Variants in IGF1R observed in about 807,000 individuals in gnomAD.
IGF1R encodes the protein insulin-like growth factor 1 receptor.
A neutral mutation model predicts 144.6 loss-of-function variants in IGF1R; 44 were observed. The observed-to-expected ratio is 0.30, with a 90% CI of 0.24 to 0.39. IGF1R has a LOEUF of 0.39. IGF1R is among the 10% of genes least tolerant of loss of function. The pLI is 1.00. For synonymous variants in IGF1R, 795 were observed against 722.8 expected, an observed-to-expected ratio of 1.10 and a Z score of -1.60; for missense variants, 1,355 against 1,833.7, an observed-to-expected ratio of 0.74 and a Z score of 4.77.
chr15:98,922,695 C>G (rs1416932261), intron 11 of IGF1R, among the ~76,000 whole-genome samples: 6 of 152,224 alleles, frequency 3.9e-5, no homozygotes, highest in Non-Finnish European at 8.8e-5. Context: ...GGTCCACCCT[C>G]CACCTGCTAC....
intron 2 of IGF1R, among the ~76,000 whole-genome samples, chr15:98,717,992 T>C (rs2054161361): frequency 6.6e-6 from 1 of 152,208 alleles, no homozygotes; most frequent in Admixed American, 6.5e-5. Context: ...TGTATGTGCG[T>C]ACCACTTTAT....
At chr15:98,854,875 T>C (rs180924526) in intron 2 of IGF1R, among the ~76,000 whole-genome samples, 143 of 152,194 alleles carry the variant, frequency 9.4e-4, no homozygotes, top group Middle Eastern at 3.4e-3. Context: ...GGCCTGGCTT[T>C]GGGTTCTACA....
In IGF1R at chr15:98,957,531, A is replaced by T; in HGVS notation, c.*89A>T. 6.5e-7 allele frequency: 1 copy of T among 1,546,054 alleles called. No homozygotes were observed. Among genetic ancestry groups the T allele is most frequent in the South Asian group, 1.1e-5 (1 of 88,602 alleles). ...GAGAGAGTTTTAACAATCCATTCAC[A>T]AGCCTCCTGTACCTCAGTGGATCTT... On this transcript the variant is annotated 3_prime_UTR_variant, in exon 21 of 21. Transcript: ENST00000650285.
At chr15:98,682,010 A>G (rs573773559) in intron 1 of IGF1R, among the ~76,000 whole-genome samples, 1 of 152,138 alleles carries the variant, frequency 6.6e-6, no homozygotes, top group African/African-American at 2.4e-5. Flanking sequence ...GTGGAGAGCG[A>G]TTAGGAAGGA....
chr15:98,668,697 C>G (rs1016136287), intron 1 of IGF1R, among the ~76,000 whole-genome samples: 2 of 152,216 alleles, frequency 1.3e-5, no homozygotes, highest in Non-Finnish European at 2.9e-5. Flanking sequence ...ATTTCACTCT[C>G]TGAAAACTCT....
In IGF1R at chr15:98,922,543, C is replaced by T; in HGVS notation, c.2485+112C>T. The T allele has an allele frequency of 1.3e-5, 17 of 1,296,812 alleles. No individual in the cohort carries two copies. The South Asian group carries it at 2.1e-4, about 16-fold the overall frequency. The allele number at this position is 1,296,812 out of a possible 1,614,324, so 80.3% of individuals were successfully genotyped here. ...CAGGGCCATGACCCTTAGACCCAGG[C>T]CTGCCTGCTAAATAACGTGCAGTCA... On this transcript the variant is annotated intron_variant, in intron 11 of 20. Coordinates refer to ENST00000650285, the MANE Select transcript of IGF1R (RefSeq NM_000875.5).
intron 2 of IGF1R, among the ~76,000 whole-genome samples, chr15:98,836,981 G>A (rs894029957): frequency 2.0e-5 from 3 of 152,204 alleles, no homozygotes; most frequent in African/African-American, 7.2e-5. Flanking sequence ...GATTGAGGTG[G>A]TGCCTGCCAG....
intron 2 of IGF1R, among the ~76,000 whole-genome samples, chr15:98,877,340 CA>C (rs2044039327): frequency 6.6e-6 from 1 of 152,002 alleles, no homozygotes; most frequent in African/African-American, 2.4e-5. Context: ...GGACCCAGGA[CA>C]CGAAGAGAAG....
chr15:98,852,353 G>GCGCCGC (rs1567161740), intron 2 of IGF1R, among the ~76,000 whole-genome samples: 1 of 152,154 alleles, frequency 6.6e-6, no homozygotes, highest in Non-Finnish European at 1.5e-5. Context: ...CCCCGCGCCC[G>GCGCCGC]CGCCGCCGCC....
intron 2 of IGF1R, among the ~76,000 whole-genome samples, chr15:98,716,290 G>T (rs1344595776): frequency 6.6e-6 from 1 of 152,186 alleles, no homozygotes; most frequent in Non-Finnish European, 1.5e-5. Flanking sequence ...TGATCTGCCT[G>T]TGTGTTCGTG....
chr15:98,771,685 A>G (rs1378736095), intron 2 of IGF1R, among the ~76,000 whole-genome samples: 7 of 152,214 alleles, frequency 4.6e-5, no homozygotes, highest in Non-Finnish European at 8.8e-5. Flanking sequence ...TCACTTATGA[A>G]TAACAACGTA....
intron 1 of IGF1R, among the ~76,000 whole-genome samples, chr15:98,701,541 C>T (rs955706308): frequency 1.3e-5 from 2 of 151,892 alleles, no homozygotes. Flanking sequence ...GGGGTTTCAC[C>T]GTGTTAGCCA....
rs137857609 is a variant in IGF1R at position 98,658,645 on chromosome 15, A to C, written c.94+8970A>C. Among the ~76,000 whole-genome samples, 10 of 152,288 alleles carry C rather than the reference A, an allele frequency of 6.6e-5. No individual in the cohort carries two copies. The East Asian group carries it at 1.7e-3, about 26-fold the overall frequency. On this transcript the variant is annotated intron_variant, in intron 1 of 20. Transcript: ENST00000650285. ...CCCATATGCCTTTTCTGTGGTTTGA[A>C]TAGGTCAGAGATGCCATCTTTACAT...
At chr15:98,849,679 A>C (rs1049906459) in intron 2 of IGF1R, among the ~76,000 whole-genome samples, 1 of 152,176 alleles carries the variant, frequency 6.6e-6, no homozygotes, top group Non-Finnish European at 1.5e-5. Context: ...TCCCTTGTTT[A>C]AAAAAACAAA....
At chr15:98,941,409 T>C (rs2016361118) in intron 18 of IGF1R, among the ~76,000 whole-genome samples, 1 of 152,204 alleles carries the variant, frequency 6.6e-6, no homozygotes, top group Admixed American at 6.5e-5. Flanking sequence ...GCAGGGATCA[T>C]GTTTGCTGTT....
At chr15:98,783,671 A>G (rs1484889612) in intron 2 of IGF1R, among the ~76,000 whole-genome samples, 3 of 152,202 alleles carry the variant, frequency 2.0e-5, no homozygotes. Context: ...GCTCATTGCC[A>G]GTATATAGAG....
chr15:98,830,622 T>TTTTTTTTTTTTTA lies in IGF1R; in HGVS notation c.641-60703_641-60702insTTTTTTTTTTTTA, dbSNP rs1567150757. 2.7e-5 allele frequency among the ~76,000 whole-genome samples: 4 copies of TTTTTTTTTTTTTA among 150,940 alleles called. 1 individual carries two copies. Among genetic ancestry groups the TTTTTTTTTTTTTA allele is most frequent in the African/African-American group, 9.8e-5 (4 of 40,964 alleles). On this transcript the variant is annotated intron_variant, in intron 2 of 20. Transcript: ENST00000650285. ...ATCATCATCTTTTTTTTTTTTTTTT[T>TTTTTTTTTTTTTA]AGATGGAGTCTCATTCTGTCACCCA...
At chr15:98,729,563 CT>C (rs5814895) in intron 2 of IGF1R, among the ~76,000 whole-genome samples, 45,868 of 145,922 alleles carry the variant, frequency 0.31, 7,130 homozygotes, top group South Asian at 0.38. Context: ...CCCTAATGTG[CT>C]TTTTTTTTTT....
At chr15:98,867,395 T>C (rs1182752469) in intron 2 of IGF1R, among the ~76,000 whole-genome samples, 1 of 152,254 alleles carries the variant, frequency 6.6e-6, no homozygotes, top group African/African-American at 2.4e-5. Context: ...TATAATTTTC[T>C]GTTGAAATAC....
Sources: allele counts gnomAD v4.1 joint callset (sites outside exome capture counted in the v4.1 genomes callset), GRCh38; gene constraint gnomAD v4.1.1; transcripts MANE v1.5; gene names NCBI Gene and HGNC (gene_info 2026-07-23, HGNC 2026-07-21).